The following VEZT variants were observed in gnomAD, a reference collection of about 807,000 sequenced individuals.
VEZT encodes vezatin, adherens junctions transmembrane protein.
VEZT carries 39 observed loss-of-function variants against 79.9 expected under a neutral mutation model. The observed-to-expected ratio is 0.49, with a 90% CI of 0.38 to 0.64. The LOEUF (loss-of-function observed/expected upper bound fraction) is 0.64, where lower values mean the gene tolerates loss of function less well. VEZT is among the 30% of genes least tolerant of loss of function. The probability of loss-of-function intolerance (pLI) is 0.00; values close to 1 mark genes in which losing one functional copy is unlikely to be tolerated. For missense variants in VEZT, 837 were observed against 893.1 expected (o/e 0.94, Z 0.80); for synonymous variants, 325 against 327.6 (o/e 0.99, Z 0.09).
At chr12:95,227,410 G>A (rs555723320) in intron 1 of VEZT, among the ~76,000 whole-genome samples, 4 of 148,720 alleles carry the variant, frequency 2.7e-5, no homozygotes, top group Admixed American at 2.0e-4. Context: ...GCGTGATCTC[G>A]GGTCACTGCA....
At chr12:95,235,600 T>C (rs2059990376) in intron 1 of VEZT, among the ~76,000 whole-genome samples, 1 of 136,314 alleles carries the variant, frequency 7.3e-6, no homozygotes, top group South Asian at 2.4e-4. Flanking sequence ...GGCTCCTCAC[T>C]TCCCAGTAGG....
chr12:95,266,280 T>C lies in VEZT; in HGVS notation c.435-77T>C. The C allele has an allele frequency of 2.1e-6, 3 of 1,446,856 alleles. No individual in the cohort carries two copies. The East Asian group carries it at 6.9e-5, about 33-fold the overall frequency. 89.6% of individuals were successfully genotyped at this position (1,446,856 alleles called of 1,614,324 possible). On this transcript the variant is annotated intron_variant, in intron 4 of 11. Transcript: ENST00000436874. ...ATTTAGTAAACCTAAATTTAAATTT[T>C]GTTTTTACTGATTAAAGTAATTCAT...
intron 7 of VEZT, among the ~76,000 whole-genome samples, chr12:95,281,031 T>C (rs2068957197): frequency 6.6e-6 from 1 of 152,224 alleles, no homozygotes; most frequent in Non-Finnish European, 1.5e-5. Context: ...ACCATCTAAA[T>C]ACTGTCTATT....
At chr12:95,257,534 G>C (rs1328380807) in intron 3 of VEZT, among the ~76,000 whole-genome samples, 1 of 152,134 alleles carries the variant, frequency 6.6e-6, no homozygotes, top group African/African-American at 2.4e-5. Flanking sequence ...ATAGGTAAAG[G>C]AATATGTCAT....
chr12:95,238,643 T>C (rs1352209633), intron 1 of VEZT, among the ~76,000 whole-genome samples: 1 of 152,218 alleles, frequency 6.6e-6, no homozygotes, highest in East Asian at 1.9e-4. Context: ...GACTATCTCA[T>C]AGGCACTTCT....
intron 6 of VEZT, among the ~76,000 whole-genome samples, chr12:95,271,674 C>T (rs369308161): frequency 5.3e-5 from 8 of 152,188 alleles, no homozygotes; most frequent in African/African-American, 1.7e-4. Context: ...AATCACTAGA[C>T]GTACAGTGGT....
intron 4 of VEZT, among the ~76,000 whole-genome samples, chr12:95,265,582 TA>T (rs1329762910): frequency 2.6e-5 from 4 of 151,386 alleles, no homozygotes; most frequent in Non-Finnish European, 5.9e-5. Context: ...GGATTCCATA[TA>T]TTTTTTATTT....
At chr12:95,251,682 G>A (rs2062632341) in intron 1 of VEZT, among the ~76,000 whole-genome samples, 1 of 151,590 alleles carries the variant, frequency 6.6e-6, no homozygotes, top group Admixed American at 6.6e-5. Context: ...ATTTTTTCTT[G>A]CTGGTACTCA....
Position 95,275,772 on chromosome 12 carries a change from C to G in VEZT, c.996+883C>G, listed in dbSNP as rs568853254. On this transcript the variant is annotated intron_variant, in intron 7 of 11. Coordinates refer to ENST00000436874, the MANE Select transcript of VEZT (RefSeq NM_017599.4). ...CAGTTCACAAAAAAAGAAACACAGGCTAGTCCCAGTGAGGTTGTATTTTAC... is the reference window on the plus strand; with the variant it reads ...CAGTTCACAAAAAAAGAAACACAGGGTAGTCCCAGTGAGGTTGTATTTTAC... The G allele has an allele frequency of 3.3e-5, 5 of 151,896 alleles. 1 individual carries two copies. Among genetic ancestry groups the G allele is most frequent in the African/African-American group, 1.2e-4 (5 of 41,434 alleles). The allele number at this position is 151,896 out of a possible 1,614,324, so 9.4% of individuals were successfully genotyped here.
intron 1 of VEZT, among the ~76,000 whole-genome samples, chr12:95,221,577 T>C (rs1301970807): frequency 6.6e-6 from 1 of 151,316 alleles, no homozygotes; most frequent in Non-Finnish European, 1.5e-5. Flanking sequence ...GTGAGGTGGC[T>C]CATGCCTGTA....
At chr12:95,251,590 C>T (rs2062616798) in intron 1 of VEZT, among the ~76,000 whole-genome samples, 1 of 152,008 alleles carries the variant, frequency 6.6e-6, no homozygotes, top group African/African-American at 2.4e-5. Flanking sequence ...TTATCTATAA[C>T]ATTGGCTATT....
At chr12:95,257,372 A>G in intron 3 of VEZT, 133 bp downstream of exon 3, 1 of 701,242 alleles carries the variant, frequency 1.4e-6, no homozygotes, top group Non-Finnish European at 2.3e-6. Flanking sequence ...GTAACTCAGG[A>G]TCTTTTAATT....
chr12:95,241,660 G>A (rs954460691), intron 1 of VEZT, among the ~76,000 whole-genome samples: 3 of 152,154 alleles, frequency 2.0e-5, no homozygotes, highest in African/African-American at 7.2e-5. Context: ...CAAATGTGGG[G>A]AGGGGGAGTT....
At chr12:95,259,191 G>GTTTTTTTTTTTTTTT (rs71078691) in intron 3 of VEZT, among the ~76,000 whole-genome samples, 1 of 147,628 alleles carries the variant, frequency 6.8e-6, no homozygotes. Context: ...AATACTTTCT[G>GTTTTTTTTTTTTTTT]TTTTTTTTTT....
intron 9 of VEZT, 89 bp downstream of exon 9, chr12:95,287,946 A>G (rs1350555111): frequency 1.7e-6 from 2 of 1,149,920 alleles, no homozygotes; most frequent in East Asian, 2.8e-5. Context: ...TCTTGTCTTT[A>G]TGATGAAACT....
chr12:95,224,098 C>G (rs1206424137), intron 1 of VEZT: 2 of 443,018 alleles, frequency 4.5e-6, no homozygotes, highest in Non-Finnish European at 4.6e-6. Flanking sequence ...ATTTTTCTCC[C>G]TGTGTCCCTC....
At chr12:95,231,270 C>T (rs796722014) in intron 1 of VEZT, 4 of 152,134 alleles carry the variant, frequency 2.6e-5, no homozygotes, top group African/African-American at 9.7e-5. Flanking sequence ...TTTTAAAACT[C>T]CAGTATTCCT....
At chr12:95,288,643 T>C (rs1305242096) in intron 9 of VEZT, among the ~76,000 whole-genome samples, 2 of 152,244 alleles carry the variant, frequency 1.3e-5, no homozygotes, top group Non-Finnish European at 2.9e-5. Context: ...ATAATTTCTT[T>C]AATGTCTTAA....
At chr12:95,235,987 C>T (rs141858375) in intron 1 of VEZT, among the ~76,000 whole-genome samples, 17,024 of 151,728 alleles carry the variant, frequency 0.11, 1,182 homozygotes, top group Non-Finnish European at 0.16. Flanking sequence ...GGATGGCAGC[C>T]GGGCAGAGAC....
Sources: allele counts gnomAD v4.1 joint callset (sites outside exome capture counted in the v4.1 genomes callset), GRCh38; gene constraint gnomAD v4.1.1; transcripts MANE v1.5; gene names NCBI Gene and HGNC (gene_info 2026-07-23, HGNC 2026-07-21).